The following LZTFL1 variants were observed in gnomAD, a reference collection of about 807,000 sequenced individuals.
LZTFL1 encodes leucine zipper transcription factor like 1.
Under a neutral mutation model 45.9 loss-of-function variants are expected in LZTFL1, and 25 were observed. That is an observed-to-expected ratio of 0.54 (90% confidence interval 0.40 to 0.76). LZTFL1 has a LOEUF of 0.76. Ranked by LOEUF, LZTFL1 falls within the 30% of genes least tolerant of loss-of-function variation. The probability of loss-of-function intolerance (pLI) is 0.00; values close to 1 mark genes in which losing one functional copy is unlikely to be tolerated. For missense variants in LZTFL1, 277 were observed against 331.1 expected, an observed-to-expected ratio of 0.84 and a Z score of 1.27; for synonymous variants, 93 against 117.4, an observed-to-expected ratio of 0.79 and a Z score of 1.35.
intron 2 of LZTFL1, among the ~76,000 whole-genome samples, chr3:45,881,286 T>C (rs963809816): frequency 6.6e-6 from 1 of 152,136 alleles, no homozygotes; most frequent in Admixed American, 6.6e-5. Flanking sequence ...CCATATCACA[T>C]CCAGTGCTAC....
At chr3:45,894,984 C>T (rs1269139626) in intron 2 of LZTFL1, 2 of 1,608,806 alleles carry the variant, frequency 1.2e-6, no homozygotes, top group African/African-American at 1.3e-5. Context: ...TCTGGCTCCT[C>T]AAAACACACA....
intron 2 of LZTFL1, among the ~76,000 whole-genome samples, chr3:45,892,745 C>A (rs1337640363): frequency 1.3e-5 from 2 of 151,912 alleles, no homozygotes; most frequent in African/African-American, 4.8e-5. Context: ...AAAAACAAAC[C>A]AAAACAAAAA....
chr3:45,915,118 T>C (rs1270663135), intron 1 of LZTFL1, among the ~76,000 whole-genome samples: 1 of 152,172 alleles, frequency 6.6e-6, no homozygotes, highest in East Asian at 1.9e-4. Flanking sequence ...GTTCCCTCAA[T>C]GGTCCAGGCT....
intron 7 of LZTFL1, among the ~76,000 whole-genome samples, chr3:45,828,839 C>T (rs2125677260): frequency 2.0e-5 from 3 of 152,312 alleles, no homozygotes; most frequent in Admixed American, 2.0e-4. Context: ...AGCCGACACT[C>T]AGTAGCCACT....
Position 45,831,075 on chromosome 3 carries a change from G to A in LZTFL1, c.520C>T (p.Gln174Ter). The change falls in exon 6 of 10, where the codon CAG becomes TAG. Residue 174 changes from glutamine (Q) to a stop codon, truncating the protein, a stop_gained and splice_region_variant. Coordinates refer to ENST00000296135, the MANE Select transcript of LZTFL1 (RefSeq NM_020347.4). LOFTEE classifies it high-confidence loss of function. Reference sequence around the variant, plus strand: ...GTGTCAAAACATTTCTCAGTTACCTGTATTTCAATGGTCTTCAACCTTGAC... The same window carrying A: ...GTGTCAAAACATTTCTCAGTTACCTATATTTCAATGGTCTTCAACCTTGAC... Reference protein sequence around the residue: ...LKSRLKTIEIQATNALDEKSK... With the variant: ...LKSRLKTIEI The A allele has an allele frequency of 6.2e-7, 1 of 1,608,518 alleles. No homozygotes were observed. Among genetic ancestry groups the A allele is most frequent in the Non-Finnish European group, 8.5e-7 (1 of 1,176,822 alleles).
At chr3:45,877,741 G>GTTTT (rs71288016) in intron 2 of LZTFL1, among the ~76,000 whole-genome samples, 1 of 137,100 alleles carries the variant, frequency 7.3e-6, no homozygotes, top group Admixed American at 7.3e-5. Flanking sequence ...TCATTTATTA[G>GTTTT]TTTTTTTTTT....
At chr3:45,881,286 T>TGG (rs1701854871) in intron 2 of LZTFL1, among the ~76,000 whole-genome samples, 1 of 152,136 alleles carries the variant, frequency 6.6e-6, no homozygotes, top group South Asian at 2.1e-4. Flanking sequence ...CCATATCACA[T>TGG]CCAGTGCTAC....
chr3:45,841,712 T>C (rs532476630), intron 1 of LZTFL1: 48 of 571,640 alleles, frequency 8.4e-5, no homozygotes, highest in Middle Eastern at 4.6e-4. Flanking sequence ...CTAAGAGTTG[T>C]GCCTTGGCTC....
At chr3:45,862,104 T>C (rs959880890) in intron 2 of LZTFL1, among the ~76,000 whole-genome samples, 2 of 152,244 alleles carry the variant, frequency 1.3e-5, no homozygotes, top group Non-Finnish European at 2.9e-5. Context: ...CTGATATATA[T>C]GTGAGGCACC....
chr3:45,867,979 A>C (rs1334674657), intron 2 of LZTFL1, among the ~76,000 whole-genome samples: 5 of 149,454 alleles, frequency 3.3e-5, no homozygotes, highest in Admixed American at 6.7e-5. Flanking sequence ...TTTTCTTTCA[A>C]GAAGATTTTC....
chr3:45,828,371 G>A, intron 8 of LZTFL1, 68 bp downstream of exon 8: 5 of 1,342,550 alleles, frequency 3.7e-6, no homozygotes, highest in Non-Finnish European at 5.1e-6. Flanking sequence ...TTAGCCACAT[G>A]TATTCCTCTA....
At chr3:45,856,187 C>A (rs577419785) in intron 3 of LZTFL1, among the ~76,000 whole-genome samples, 1 of 152,222 alleles carries the variant, frequency 6.6e-6, no homozygotes, top group South Asian at 2.1e-4. Flanking sequence ...CAAAACCAGA[C>A]ACATCAACCA....
At position 45,866,125 on chromosome 3, in the gene LZTFL1, C is replaced by T. The variant is rs547318501; in HGVS notation, c.-214-7109G>A. Reference sequence around the variant, plus strand: ...AAAGCAGATCGGTGGTTGAATGTGGCGAGGGGTGGTGGCGTGGTGGGAGGA... The same window carrying T: ...AAAGCAGATCGGTGGTTGAATGTGGTGAGGGGTGGTGGCGTGGTGGGAGGA... On this transcript the variant is annotated intron_variant, in intron 2 of 4. Coordinates refer to the LZTFL1 transcript ENST00000472635. Among the ~76,000 whole-genome samples the T allele has an allele frequency of 5.7e-4, 86 of 152,054 alleles. 1 individual carries two copies. The highest frequency in any genetic ancestry group is 1.1e-3 in the Non-Finnish European group (74 of 67,968).
At chr3:45,851,983 C>T (rs1381614733) in intron 4 of LZTFL1, among the ~76,000 whole-genome samples, 1 of 152,160 alleles carries the variant, frequency 6.6e-6, no homozygotes, top group East Asian at 1.9e-4. Context: ...CTGCTCCACT[C>T]CACCCAAGTG....
Position 45,901,258 on chromosome 3 carries a change from G to A in LZTFL1, c.-215+11862C>T. On this transcript the variant is annotated intron_variant, in intron 2 of 4. Transcript: ENST00000472635. The surrounding 1 kb of genome is among the most constrained non-coding windows in gnomAD (Gnocchi z 4.3). Reference sequence around the variant, plus strand: ...GCCCAGGCCATGAGAGCACATACTTGGAGGGAGAAAAGGCTTTTGTACAGC... The same window carrying A: ...GCCCAGGCCATGAGAGCACATACTTAGAGGGAGAAAAGGCTTTTGTACAGC... 6.2e-7 allele frequency: 1 copy of A among 1,614,202 alleles called. No individual in the cohort carries two copies. Among genetic ancestry groups the A allele is most frequent in the Non-Finnish European group, 8.5e-7 (1 of 1,180,044 alleles).
intron 2 of LZTFL1, among the ~76,000 whole-genome samples, chr3:45,906,800 C>A (rs1702688855): frequency 6.6e-6 from 1 of 152,212 alleles, no homozygotes; most frequent in South Asian, 2.1e-4. Context: ...GTCCAAGGAC[C>A]AAACACCTGG....
At chr3:45,906,394 T>C (rs928190938) in intron 2 of LZTFL1, among the ~76,000 whole-genome samples, 5 of 152,184 alleles carry the variant, frequency 3.3e-5, no homozygotes, top group South Asian at 2.1e-4. Context: ...AAGTAACTCA[T>C]CTGAGCCCAT....
At chr3:45,897,645 C>G (rs1461441381) in intron 2 of LZTFL1, 8 of 1,523,698 alleles carry the variant, frequency 5.3e-6, no homozygotes, top group Non-Finnish European at 6.1e-6. Flanking sequence ...AGGACTAACA[C>G]AGCTAAGTGA....
chr3:45,841,860 C>T, intron 1 of LZTFL1, 129 bp downstream of exon 1: 2 of 1,249,814 alleles, frequency 1.6e-6, no homozygotes, highest in Middle Eastern at 2.1e-4. Flanking sequence ...CTCCCCTTCT[C>T]AGGGAGGCTG....
Sources: gnomAD v4.1 joint callset for allele counts (sites outside exome capture counted in the v4.1 genomes callset) on GRCh38, gnomAD v4.1.1 for gene constraint, Gnocchi (gnomAD v3.1) non-coding constraint, MANE v1.5 for transcripts, NCBI Gene and HGNC (gene_info 2026-07-23, HGNC 2026-07-21) for gene names.